STK3: variants seen among roughly 807,000 people sequenced by gnomAD.
STK3 encodes the protein serine/threonine-protein kinase 3.
A neutral mutation model predicts 58.0 loss-of-function variants in STK3; 41 were observed. That is an observed-to-expected ratio of 0.71 (90% CI 0.55 to 0.92). The LOEUF (loss-of-function observed/expected upper bound fraction) is 0.92, where lower values mean the gene tolerates loss of function less well. Ranked by LOEUF, STK3 falls within the 40% of genes least tolerant of loss-of-function variation. The pLI, the probability that STK3 is intolerant of heterozygous loss-of-function variation, is 0.00. For synonymous variants in STK3, 170 were observed against 191.0 expected (o/e 0.89, Z 0.91); for missense variants, 479 against 602.7 (o/e 0.79, Z 2.15).
chr8:98,876,710 G>T (rs1240198907), intron 3 of STK3, among the ~76,000 whole-genome samples: 2 of 152,190 alleles, frequency 1.3e-5, no homozygotes, highest in African/African-American at 4.8e-5. Context: ...TCCTAGTAGG[G>T]CTCAATAAAC....
At chr8:98,505,697 CTGTT>C (rs1824003593) in intron 10 of STK3, among the ~76,000 whole-genome samples, 1 of 152,224 alleles carries the variant, frequency 6.6e-6, no homozygotes, top group South Asian at 2.1e-4. Context: ...ACTCCAGACT[CTGTT>C]TGCCTGGGTA....
downstream of STK3, among the ~76,000 whole-genome samples, chr8:98,449,914 G>A (rs1563613348): frequency 6.6e-6 from 1 of 151,760 alleles, no homozygotes; most frequent in Admixed American, 6.6e-5. Context: ...TTGTTTCTCC[G>A]CCACACTGTG....
intron 1 of STK3, among the ~76,000 whole-genome samples, chr8:98,820,762 G>T (rs1423387748): frequency 5.3e-5 from 8 of 152,182 alleles, no homozygotes; most frequent in African/African-American, 1.9e-4. Context: ...TGGATCACGA[G>T]GTCATGAGAT....
At chr8:98,859,318 T>C (rs1262604806) in intron 3 of STK3, among the ~76,000 whole-genome samples, 1 of 152,212 alleles carries the variant, frequency 6.6e-6, no homozygotes, top group Non-Finnish European at 1.5e-5. Context: ...CATTTGAAAA[T>C]GATACTACAT....
At chr8:98,698,937 T>C (rs982356969) in intron 6 of STK3, among the ~76,000 whole-genome samples, 14 of 152,328 alleles carry the variant, frequency 9.2e-5, no homozygotes, top group Admixed American at 8.5e-4. Flanking sequence ...GAAGTTCTCC[T>C]GGATAATATC....
intron 6 of STK3, among the ~76,000 whole-genome samples, chr8:98,611,666 A>C (rs1817209853): frequency 6.6e-6 from 1 of 152,162 alleles, no homozygotes; most frequent in Non-Finnish European, 1.5e-5. Context: ...ACCAATTCCA[A>C]ACTCTATGCC....
chr8:98,623,149 T>C (rs1818449175), intron 6 of STK3, among the ~76,000 whole-genome samples: 1 of 150,102 alleles, frequency 6.7e-6, no homozygotes, highest in Admixed American at 6.6e-5. Flanking sequence ...ATGGAACATA[T>C]TGTGAGGGAG....
intron 1 of STK3, among the ~76,000 whole-genome samples, chr8:98,914,461 T>TACAC (rs34753292): frequency 0.015 from 2,202 of 143,538 alleles, 30 homozygotes; most frequent in African/African-American, 0.036. Context: ...AGCACATGCC[T>TACAC]ACACACACAC....
chr8:98,692,278 C>T (rs1299574482), intron 6 of STK3, among the ~76,000 whole-genome samples: 1 of 152,134 alleles, frequency 6.6e-6, no homozygotes, highest in Non-Finnish European at 1.5e-5. Flanking sequence ...TTCATGGTAG[C>T]ATTATTCACA....
chr8:98,731,182 A>G (rs766714013), intron 4 of STK3, among the ~76,000 whole-genome samples: 44 of 152,214 alleles, frequency 2.9e-4, no homozygotes, highest in Non-Finnish European at 7.3e-5. Context: ...GAAGGTCATA[A>G]CCAAGAGCAG....
intron 6 of STK3, chr8:98,597,421 A>T: frequency 4.1e-6 from 4 of 985,204 alleles, no homozygotes; most frequent in Non-Finnish European, 4.8e-6. Context: ...CATGTTATAC[A>T]TATTACATCT....
chr8:98,395,844 G>A lies in STK3; in HGVS notation n.428-7597C>T, dbSNP rs185025496. 9.2e-5 allele frequency among the ~76,000 whole-genome samples: 14 copies of A among 152,302 alleles called. No individual in the cohort carries two copies. In the East Asian group the frequency reaches 2.7e-3, roughly 29 times the overall value. ...TTGAATATCACAATGTTGCAAATAT[G>A]CATGGAAAACAGGACAGAATGAAAC... On this transcript the variant is annotated intron_variant and non_coding_transcript_variant, in intron 3 of 5. Coordinates refer to the STK3 transcript ENST00000649151.
intron 10 of STK3, among the ~76,000 whole-genome samples, chr8:98,469,091 G>A (rs1820708290): frequency 6.7e-6 from 1 of 150,164 alleles, no homozygotes; most frequent in African/African-American, 2.4e-5. Context: ...CCTGGTGACA[G>A]AGTGAGACTC....
intron 3 of STK3, chr8:98,413,476 G>T: frequency 1.7e-6 from 1 of 603,196 alleles, no homozygotes. Flanking sequence ...CTCTGAAGTG[G>T]CTTCAGAATG....
At chr8:98,923,828 C>CGTGTGTGTGTGTGT (rs55929161) in intron 1 of STK3, among the ~76,000 whole-genome samples, 205 of 144,330 alleles carry the variant, frequency 1.4e-3, no homozygotes, top group African/African-American at 4.9e-3. Flanking sequence ...TTTGCAAAAA[C>CGTGTGTGTGTGTGT]GTGTGTGTGT....
intron 10 of STK3, among the ~76,000 whole-genome samples, chr8:98,460,813 T>A (rs1054054775): frequency 2.0e-5 from 3 of 152,214 alleles, no homozygotes; most frequent in Non-Finnish European, 2.9e-5. Context: ...ACCTTCACCA[T>A]CTGCCATGAT....
At chr8:98,680,196 T>G (rs1347743993) in intron 6 of STK3, among the ~76,000 whole-genome samples, 2 of 152,092 alleles carry the variant, frequency 1.3e-5, no homozygotes, top group Non-Finnish European at 2.9e-5. Context: ...CATCAATCAA[T>G]GCTGTGCAGA....
At position 98,602,500 on chromosome 8, in the gene STK3, T is replaced by C. The variant is rs138435302; in HGVS notation, c.685-6331A>G. On this transcript the variant is annotated intron_variant, in intron 6 of 10. Coordinates refer to ENST00000419617, the MANE Select transcript of STK3 (RefSeq NM_006281.4). ...AACTGTGAGCAATACATATCTTTTG[T>C]ACATAAATTACCCAGTCTAAGGTAT... Among the ~76,000 whole-genome samples the C allele has an allele frequency of 2.0e-4, 30 of 152,338 alleles. 1 individual carries two copies. The highest frequency in any genetic ancestry group is 7.0e-4 in the African/African-American group (29 of 41,572).
chr8:98,480,457 G>C (rs912518101), intron 10 of STK3, among the ~76,000 whole-genome samples: 11 of 152,054 alleles, frequency 7.2e-5, no homozygotes, highest in Admixed American at 7.2e-4. Flanking sequence ...AAAGTAAATG[G>C]ATGTAAAAAG....
Sources: gnomAD v4.1 joint callset for allele counts (sites outside exome capture counted in the v4.1 genomes callset) on GRCh38, gnomAD v4.1.1 for gene constraint, MANE v1.5 for transcripts, NCBI Gene and HGNC (gene_info 2026-07-23, HGNC 2026-07-21) for gene names.